Variants in LPP observed in about 807,000 individuals in gnomAD.
LPP encodes lipoma-preferred partner.
Under a neutral mutation model 60.4 loss-of-function variants are expected in LPP, and 38 were observed. The ratio of observed to expected loss-of-function variants is 0.63; its 90% CI spans 0.49 to 0.83. LPP has a LOEUF of 0.83. LPP is among the 40% of genes least tolerant of loss of function. The pLI is 0.00. For missense variants in LPP, 902 were observed against 783.6 expected, an observed-to-expected ratio of 1.15 and a Z score of -1.80; for synonymous variants, 328 against 290.8, an observed-to-expected ratio of 1.13 and a Z score of -1.30.
At chr3:188,695,257 G>A (rs993735281) in intron 7 of LPP, among the ~76,000 whole-genome samples, 2 of 152,024 alleles carry the variant, frequency 1.3e-5, no homozygotes, top group Non-Finnish European at 2.9e-5. Context: ...AGAGTTTGTG[G>A]GAATGGATAA....
rs71169028 is a variant in LPP, at chr3:188,883,732, C to CAAAAAAAAAAAAA, written c.*9263_*9275dup. 1.5e-5 allele frequency: 1 copy of CAAAAAAAAAAAAA among 67,392 alleles called. No individual in the cohort carries two copies. Among genetic ancestry groups the CAAAAAAAAAAAAA allele is most frequent in the Non-Finnish European group, 2.6e-5 (1 of 39,068 alleles). The allele number at this position is 67,392 out of a possible 1,614,324, so 4.2% of individuals were successfully genotyped here. A position where few individuals can be genotyped will look rare whatever the true frequency, so the allele number is the denominator to read the frequency against. On this transcript the variant is annotated 3_prime_UTR_variant, in exon 12 of 12. Transcript: ENST00000617246. ...TGGGCGACAGAACGAGACTCCGTCT[C>CAAAAAAAAAAAAA]AAAAAAAAAAAAAAAAAAAAAAGGT...
intron 2 of LPP, among the ~76,000 whole-genome samples, chr3:188,338,281 G>C (rs1452917655): frequency 6.6e-6 from 1 of 152,170 alleles, no homozygotes; most frequent in African/African-American, 2.4e-5. Flanking sequence ...GCATGAGAGT[G>C]CACTTTAAAT....
intron 4 of LPP, among the ~76,000 whole-genome samples, chr3:188,423,879 C>T (rs765976800): frequency 8.9e-5 from 13 of 146,112 alleles, no homozygotes; most frequent in Admixed American, 2.1e-4. Flanking sequence ...ATAGATTGCA[C>T]GCTTTTTTTT....
chr3:188,532,328 G>A (rs1822407771), intron 6 of LPP, among the ~76,000 whole-genome samples: 1 of 152,160 alleles, frequency 6.6e-6, no homozygotes, highest in Admixed American at 6.5e-5. Context: ...GAGAGGCTGA[G>A]GCAGGAGAAT....
intron 7 of LPP, among the ~76,000 whole-genome samples, chr3:188,700,915 G>A (rs889864203): frequency 2.0e-5 from 3 of 152,138 alleles, no homozygotes; most frequent in African/African-American, 7.2e-5. Context: ...AAAAATGATA[G>A]AGTAGAACCA....
At chr3:188,744,586 TAGA>T (rs1254920678) in intron 8 of LPP, among the ~76,000 whole-genome samples, 1 of 152,142 alleles carries the variant, frequency 6.6e-6, no homozygotes, top group East Asian at 1.9e-4. Flanking sequence ...AATGTGCAGA[TAGA>T]AGAAGATAAT....
intron 7 of LPP, among the ~76,000 whole-genome samples, chr3:188,695,691 A>G (rs1005427608): frequency 1.3e-5 from 2 of 152,226 alleles, no homozygotes; most frequent in African/African-American, 4.8e-5. Context: ...ATAATTTGGC[A>G]TTTGAACCAG....
chr3:188,302,736 C>T (rs1750311454), intron 2 of LPP, among the ~76,000 whole-genome samples: 1 of 152,226 alleles, frequency 6.6e-6, no homozygotes, highest in Non-Finnish European at 1.5e-5. Context: ...GAAAAGACAG[C>T]TATTGTAATA....
At chr3:188,653,197 T>A (rs1456314951) in intron 7 of LPP, among the ~76,000 whole-genome samples, 2 of 152,218 alleles carry the variant, frequency 1.3e-5, no homozygotes, top group African/African-American at 2.4e-5. Flanking sequence ...AGTTATAAGC[T>A]CTGGATGTTG....
intron 4 of LPP, among the ~76,000 whole-genome samples, chr3:188,426,624 A>T (rs906082009): frequency 6.6e-6 from 1 of 152,012 alleles, no homozygotes; most frequent in Non-Finnish European, 1.5e-5. Flanking sequence ...TGCTTTATGG[A>T]TCTGGGTGCT....
At chr3:188,404,338 A>C (rs1296228083) in intron 3 of LPP, among the ~76,000 whole-genome samples, 1 of 152,156 alleles carries the variant, frequency 6.6e-6, no homozygotes, top group Non-Finnish European at 1.5e-5. Context: ...TCAATCTCCC[A>C]GGCTCAAGTG....
intron 7 of LPP, among the ~76,000 whole-genome samples, chr3:188,612,489 C>T (rs1461342842): frequency 6.6e-6 from 1 of 152,144 alleles, no homozygotes; most frequent in African/African-American, 2.4e-5. Flanking sequence ...CCTTGACATT[C>T]CTCTTCCAGT....
chr3:188,447,496 A>G (rs991636483), intron 4 of LPP, among the ~76,000 whole-genome samples: 3 of 151,368 alleles, frequency 2.0e-5, no homozygotes, highest in Non-Finnish European at 4.4e-5. Context: ...TGTAATCCCA[A>G]CTACTCAAGA....
intron 8 of LPP, among the ~76,000 whole-genome samples, chr3:188,729,593 T>G (rs1719679111): frequency 6.6e-6 from 1 of 152,194 alleles, no homozygotes; most frequent in South Asian, 2.1e-4. Context: ...AAACAGGAAG[T>G]GCCTAGGTAT....
intron 7 of LPP, among the ~76,000 whole-genome samples, chr3:188,669,595 G>A (rs1393909585): frequency 2.0e-5 from 3 of 151,960 alleles, no homozygotes; most frequent in African/African-American, 4.8e-5. Context: ...AAAAATAAAA[G>A]TCAGGAAACA....
chr3:188,530,537 G>C (rs908781824), intron 6 of LPP, among the ~76,000 whole-genome samples: 9 of 152,120 alleles, frequency 5.9e-5, no homozygotes, highest in Admixed American at 5.9e-4. Flanking sequence ...CAGATGGAAA[G>C]CTTTTGCCCA....
intron 1 of LPP, chr3:188,179,217 G>A (rs927412197): frequency 2.2e-5 from 10 of 457,364 alleles, no homozygotes; most frequent in East Asian, 7.0e-5. Flanking sequence ...ATTTGCCACC[G>A]TGAAGAGCAT....
chr3:188,595,293 G>T (rs1365718216), intron 6 of LPP, among the ~76,000 whole-genome samples: 1 of 150,936 alleles, frequency 6.6e-6, no homozygotes, highest in African/African-American at 2.4e-5. Context: ...TGAATTTGTT[G>T]ATGTTTGCTC....
At chr3:188,315,354 G>A (rs1051662290) in intron 2 of LPP, among the ~76,000 whole-genome samples, 1 of 151,982 alleles carries the variant, frequency 6.6e-6, no homozygotes, top group African/African-American at 2.4e-5. Flanking sequence ...TTGCATTTAT[G>A]TGTTGGCTCT....
Sources: gnomAD v4.1 joint callset for allele counts (sites outside exome capture counted in the v4.1 genomes callset) on GRCh38, gnomAD v4.1.1 for gene constraint, MANE v1.5 for transcripts, NCBI Gene and HGNC (gene_info 2026-07-23, HGNC 2026-07-21) for gene names.